Variants in VWDE observed in about 807,000 individuals in gnomAD.
The protein encoded by VWDE is von Willebrand factor D and EGF domains.
Under a neutral mutation model 178.4 loss-of-function variants are expected in VWDE, and 207 were observed. The observed-to-expected ratio is 1.16, with a 90% CI of 1.04 to 1.30. VWDE has a LOEUF of 1.30. Among genes scored for constraint, VWDE ranks in the 50% most tolerant of loss-of-function variants. The pLI, the probability that VWDE is intolerant of heterozygous loss-of-function variation, is 0.00. For missense variants in VWDE, 2,287 were observed against 1,901.3 expected (o/e 1.20, Z -3.77); for synonymous variants, 738 against 651.4 (o/e 1.13, Z -2.02).
rs1195140605 is a variant in VWDE at position 12,372,982 on chromosome 7, C to T, written c.1582G>A (p.Val528Ile). 2 of 1,550,678 alleles carry T rather than the reference C, an allele frequency of 1.3e-6. No homozygotes were observed. Among genetic ancestry groups the T allele is most frequent in the Non-Finnish European group, 1.7e-6 (2 of 1,146,432 alleles). Residue 528 changes from valine to isoleucine, a missense_variant, in exon 10 of 29, where the codon GTC (valine) becomes ATC (isoleucine). Transcript: ENST00000275358. Reference protein sequence around the residue: ...KISESYLGRKVTIWFSSGAFI... With the variant: ...KISESYLGRKITIWFSSGAFI... ...TGTTAAAGAATCATACATACTGTGA[C>T]TTTTCTTCCTAAGTAAGATTCACTT... is the stretch of plus-strand genomic sequence containing the variant.
intron 13 of VWDE, among the ~76,000 whole-genome samples, chr7:12,363,134 C>T (rs1782675660): frequency 6.6e-6 from 1 of 151,852 alleles, no homozygotes; most frequent in African/African-American, 2.4e-5. Context: ...TTAAAAGAGA[C>T]TCAAATAAGA....
intron 18 of VWDE, among the ~76,000 whole-genome samples, chr7:12,353,403 C>T (rs1241591680): frequency 1.2e-5 from 1 of 81,192 alleles, no homozygotes; most frequent in Non-Finnish European, 2.6e-5. Flanking sequence ...GGAGTTAGGG[C>T]TTCAACATAT....
At chr7:12,346,748 T>C (rs1167905892) in intron 19 of VWDE, among the ~76,000 whole-genome samples, 1 of 152,106 alleles carries the variant, frequency 6.6e-6, no homozygotes, top group Non-Finnish European at 1.5e-5. Context: ...AGTGATTAGA[T>C]ACGTTTTTCT....
At chr7:12,344,326 A>G (rs1358950945) in intron 20 of VWDE, 36 bp from the exon 21 acceptor site, 2 of 1,550,196 alleles carry the variant, frequency 1.3e-6, no homozygotes, top group Non-Finnish European at 8.7e-7. Flanking sequence ...AGACATATCA[A>G]TTACCAAATA....
intron 24 of VWDE, among the ~76,000 whole-genome samples, chr7:12,337,607 C>G (rs145448579): frequency 3.3e-5 from 5 of 152,176 alleles, no homozygotes; most frequent in African/African-American, 1.2e-4. Flanking sequence ...TAAGTCAAAA[C>G]GTAGCTCAAA....
chr7:12,365,953 G>C (rs1011178678), intron 13 of VWDE, among the ~76,000 whole-genome samples: 17 of 152,042 alleles, frequency 1.1e-4, no homozygotes, highest in Non-Finnish European at 2.4e-4. Context: ...GAGGGACATA[G>C]TGGGAGTTGA....
intron 19 of VWDE, among the ~76,000 whole-genome samples, chr7:12,349,874 G>C (rs1562472696): frequency 6.6e-6 from 1 of 151,872 alleles, no homozygotes; most frequent in African/African-American, 2.4e-5. Context: ...AATTATACAA[G>C]AATACTACAT....
intron 12 of VWDE, among the ~76,000 whole-genome samples, chr7:12,369,034 T>C (rs1225401313): frequency 6.6e-6 from 1 of 152,190 alleles, no homozygotes; most frequent in Non-Finnish European, 1.5e-5. Context: ...ACAGTTTCTT[T>C]GTCTAACATA....
Position 12,341,910 on chromosome 7 carries a change from A to G in VWDE, c.4270+149T>C, listed in dbSNP as rs1583276861. On this transcript the variant is annotated intron_variant, in intron 23 of 28. Transcript: ENST00000275358. ...AAAACAAAGGGAATGAAGATGAAAGAGTTTTAAAAATCTGTCTGAAATAAC... is the reference window on the plus strand; with the variant it reads ...AAAACAAAGGGAATGAAGATGAAAGGGTTTTAAAAATCTGTCTGAAATAAC... 1.3e-5 allele frequency: 7 copies of G among 558,068 alleles called. No homozygotes were observed. The East Asian group carries it at 2.0e-4, about 16-fold the overall frequency. The allele number at this position is 558,068 out of a possible 1,614,324, so 34.6% of individuals were successfully genotyped here.
chr7:12,358,827 T>A (rs1782417871), intron 16 of VWDE, among the ~76,000 whole-genome samples: 1 of 152,212 alleles, frequency 6.6e-6, no homozygotes, highest in African/African-American at 2.4e-5. Flanking sequence ...ACATTTTTCC[T>A]CAAATTTCCA....
intron 1 of VWDE, among the ~76,000 whole-genome samples, chr7:12,396,522 C>G (rs930939332): frequency 1.3e-5 from 2 of 152,100 alleles, no homozygotes; most frequent in Non-Finnish European, 2.9e-5. Context: ...CACTTTTGAT[C>G]CCCAAATGTA....
At position 12,340,303 on chromosome 7, in the gene VWDE, A is replaced by T; in HGVS notation, c.4366+19T>A. On this transcript the variant is annotated intron_variant, in intron 24 of 28. Transcript: ENST00000275358. ...AACTTTCCATTTGCCCTTTTTACAT[A>T]CAAAGAAAGAATAATTACCATTCTG... The T allele has an allele frequency of 6.5e-7, 1 of 1,533,266 alleles. No homozygotes were observed. The highest frequency in any genetic ancestry group is 2.5e-5 in the East Asian group (1 of 40,806). The allele number at this position is 1,533,266 out of a possible 1,614,324, so 95.0% of individuals were successfully genotyped here.
chr7:12,392,808 C>CA (rs201563504), intron 2 of VWDE, among the ~76,000 whole-genome samples: 14,807 of 132,080 alleles, frequency 0.11, 875 homozygotes, highest in African/African-American at 0.15. Flanking sequence ...AGTTAAGTTG[C>CA]AAAAAAAAAA....
At chr7:12,398,760 G>A (rs1329927244) in intron 1 of VWDE, among the ~76,000 whole-genome samples, 1 of 152,046 alleles carries the variant, frequency 6.6e-6, no homozygotes, top group Non-Finnish European at 1.5e-5. Context: ...GATGCAAACG[G>A]AGGCCATTAT....
At chr7:12,344,631 T>G (rs1458875435) in intron 19 of VWDE, among the ~76,000 whole-genome samples, 162 bp from the exon 20 acceptor site, 1 of 152,160 alleles carries the variant, frequency 6.6e-6, no homozygotes, top group Non-Finnish European at 1.5e-5. Flanking sequence ...AACAACTCTC[T>G]TGCTTAAGTT....
At chr7:12,389,690 C>A (rs945001621) in intron 2 of VWDE, among the ~76,000 whole-genome samples, 1 of 152,110 alleles carries the variant, frequency 6.6e-6, no homozygotes, top group African/African-American at 2.4e-5. Context: ...TAAGACAAGT[C>A]AATCTGAAGT....
chr7:12,340,198 A>T (rs1433822657), intron 24 of VWDE, 124 bp downstream of exon 24: 1 of 713,192 alleles, frequency 1.4e-6, no homozygotes. Context: ...TACTTGAAAC[A>T]TCGCAAGAAT....
At position 12,370,214 on chromosome 7, in the gene VWDE, C is replaced by T. The variant is rs1453451522; in HGVS notation, c.2092G>A (p.Glu698Lys). 1.9e-6 allele frequency: 3 copies of T among 1,549,752 alleles called. No homozygotes were observed. Among genetic ancestry groups the T allele is most frequent in the Non-Finnish European group, 2.6e-6 (3 of 1,146,498 alleles). ...EEYNLNLFLQ[E>K]KKHINLTKLG... is the part of the protein sequence containing the mutation. ...TTAGTCAGGTTTATGTGTTTTTTTT[C>T]TTGCAGAAATAAATTTAGATTATAT... The change falls in exon 12 of 29, where the codon GAA becomes AAA. Residue 698 changes from glutamate to lysine, a missense_variant. Physicochemically the swap from Glu to Lys is moderately conservative, Grantham distance 56. Coordinates refer to ENST00000275358, the MANE Select transcript of VWDE (RefSeq NM_001135924.3).
In VWDE at chr7:12,351,636, C is replaced by T. The variant is rs1035374213; in HGVS notation, c.3823G>A (p.Glu1275Lys). ...CTCCCTTGGGCATTTTTATCATCCT[C>T]TTCTTTATTTACACTTTTATCAGAT... ...TRSDKSVNKE[E>K]DDKNAQGRKR... The change falls in exon 19 of 29, where the codon GAG becomes AAG. Residue 1275 changes from glutamate to lysine, a missense_variant. Transcript: ENST00000275358. 3 of 1,546,994 alleles carry T rather than the reference C, an allele frequency of 1.9e-6. No homozygotes were observed. The highest frequency in any genetic ancestry group is 1.7e-6 in the Non-Finnish European group (2 of 1,145,512).
Sources: allele counts gnomAD v4.1 joint callset (sites outside exome capture counted in the v4.1 genomes callset), GRCh38; gene constraint gnomAD v4.1.1; transcripts MANE v1.5; gene names NCBI Gene and HGNC (gene_info 2026-07-23, HGNC 2026-07-21).